NRDC: variants seen among roughly 807,000 people sequenced by gnomAD.
NRDC encodes nardilysin convertase.
Under a neutral mutation model 147.1 loss-of-function variants are expected in NRDC, and 54 were observed. The observed-to-expected ratio is 0.37, with a 90% CI of 0.29 to 0.46. The LOEUF is 0.46. Among genes scored for constraint, NRDC ranks in the 20% least tolerant of loss-of-function variants. NRDC has a pLI of 1.00. For missense variants in NRDC, 1,082 were observed against 1,370.6 expected (o/e 0.79, Z 3.33); for synonymous variants, 440 against 482.1 (o/e 0.91, Z 1.14).
At chr1:51,830,162 A>G (rs1680643316) in intron 4 of NRDC, among the ~76,000 whole-genome samples, 1 of 151,760 alleles carries the variant, frequency 6.6e-6, no homozygotes, top group South Asian at 2.1e-4. Flanking sequence ...ATGGGGTTTC[A>G]CCATATTAGC....
At chr1:51,859,971 C>A in intron 1 of NRDC, 1 of 188,488 alleles carries the variant, frequency 5.3e-6, no homozygotes, top group East Asian at 1.6e-4. Flanking sequence ...CACTGCTTCC[C>A]TCAGCCATAA....
chr1:51,866,215 T>C (rs769638750), intron 1 of NRDC, among the ~76,000 whole-genome samples: 6 of 152,030 alleles, frequency 3.9e-5, no homozygotes, highest in Non-Finnish European at 7.4e-5. Context: ...GAGTGAGACC[T>C]TATCTTTAAA....
chr1:51,856,487 T>C (rs980131691), intron 1 of NRDC, among the ~76,000 whole-genome samples: 4 of 152,220 alleles, frequency 2.6e-5, no homozygotes, highest in Non-Finnish European at 5.9e-5. Context: ...TGGGTTTGAT[T>C]AATTTGCTGG....
At position 51,814,817 on chromosome 1, in the gene NRDC, C is replaced by A; in HGVS notation, c.1440-4G>T. On this transcript the variant is annotated splice_polypyrimidine_tract_variant and splice_region_variant and intron_variant, in intron 11 of 30. Coordinates refer to ENST00000352171, the MANE Select transcript of NRDC (RefSeq NM_001101662.2). ...AAACAGTGCAAGAGCCCAGCATCTA[C>A]AGGTGGGGAAAAAATTAACCCAATC... 6.4e-7 allele frequency: 1 copy of A among 1,569,610 alleles called. No individual in the cohort carries two copies. Among genetic ancestry groups the A allele is most frequent in the Non-Finnish European group, 8.6e-7 (1 of 1,163,392 alleles).
Position 51,840,511 on chromosome 1 carries a change from G to T in NRDC, c.345C>A (p.Tyr115Ter). 1 of 1,588,812 alleles carries T rather than the reference G, an allele frequency of 6.3e-7. No individual in the cohort carries two copies. The highest frequency in any genetic ancestry group is 1.2e-5 in the South Asian group (1 of 86,838). The change falls in exon 2 of 31, where the codon TAC becomes TAA. Residue 115 changes from tyrosine to a stop codon, truncating the protein, a stop_gained. Transcript: ENST00000352171. LOFTEE classifies it high-confidence loss of function. ...CCTGCAAGCCATTCTGTAATTTGAT[G>T]TATCTGGGGGGAGAAAAAAAAAATC... is the stretch of plus-strand genomic sequence containing the variant. The part of the protein sequence containing the change: ...KSPSDPKQYR[Y>*]IKLQNGLQAL...
At chr1:51,857,747 G>A (rs1258219423) in intron 1 of NRDC, among the ~76,000 whole-genome samples, 1 of 152,192 alleles carries the variant, frequency 6.6e-6, no homozygotes, top group Non-Finnish European at 1.5e-5. Context: ...GGCTGCAGAT[G>A]TCCAGGATCA....
intron 3 of NRDC, among the ~76,000 whole-genome samples, chr1:51,834,683 T>TA (rs879270120): frequency 5.9e-4 from 86 of 144,826 alleles, no homozygotes; most frequent in African/African-American, 1.4e-3. Context: ...ACTTTTATAC[T>TA]AAAAAAAAAA....
intron 2 of NRDC, among the ~76,000 whole-genome samples, chr1:51,839,455 T>C (rs769648937): frequency 2.6e-5 from 4 of 152,130 alleles, no homozygotes; most frequent in Non-Finnish European, 5.9e-5. Flanking sequence ...TTGAATATAT[T>C]ATCAATATTC....
intron 4 of NRDC, among the ~76,000 whole-genome samples, chr1:51,831,452 A>G (rs1216789870): frequency 1.3e-5 from 2 of 152,212 alleles, no homozygotes; most frequent in Non-Finnish European, 2.9e-5. Context: ...CTCTGTAACA[A>G]GAGTAAAGAT....
At chr1:51,789,522 G>C (rs766180197) in intron 30 of NRDC, 46 bp downstream of exon 30, 1 of 1,589,724 alleles carries the variant, frequency 6.3e-7, no homozygotes, top group Admixed American at 1.7e-5. Flanking sequence ...AACTCACTCA[G>C]TAAATGACAA....
At chr1:51,829,808 A>G (rs945250702) in intron 4 of NRDC, among the ~76,000 whole-genome samples, 1 of 151,876 alleles carries the variant, frequency 6.6e-6, no homozygotes, top group Non-Finnish European at 1.5e-5. Context: ...TACTAATTCT[A>G]TCTTCAACTC....
At chr1:51,798,103 G>GC in intron 22 of NRDC, 146 bp downstream of exon 22, 1 of 690,556 alleles carries the variant, frequency 1.4e-6, no homozygotes. Context: ...AAGCTGCCCA[G>GC]CATCAGAGGG....
At chr1:51,861,511 A>C (rs573722428) in intron 1 of NRDC, among the ~76,000 whole-genome samples, 1 of 149,418 alleles carries the variant, frequency 6.7e-6, no homozygotes, top group Non-Finnish European at 1.5e-5. Flanking sequence ...TATTATTATT[A>C]TTTTTTTTTA....
intron 4 of NRDC, among the ~76,000 whole-genome samples, chr1:51,832,308 A>T (rs1034898532): frequency 1.2e-4 from 19 of 152,248 alleles, no homozygotes; most frequent in African/African-American, 4.3e-4. Flanking sequence ...CGGCCCCCCA[A>T]AGTGTTGGGA....
intron 27 of NRDC, 26 bp downstream of exon 27, chr1:51,791,552 A>G (rs373411273): frequency 6.4e-7 from 1 of 1,552,330 alleles, no homozygotes; most frequent in Non-Finnish European, 8.9e-7. Flanking sequence ...AATAGGTTAC[A>G]CTCATCTATT....
intron 23 of NRDC, 30 bp from the exon 24 acceptor site, chr1:51,794,640 G>A (rs1189762800): frequency 6.2e-7 from 1 of 1,610,388 alleles, no homozygotes. Flanking sequence ...GGTCACTGAG[G>A]CACCCAAAAA....
At chr1:51,874,498 A>G (rs896056364) in intron 1 of NRDC, among the ~76,000 whole-genome samples, 1 of 152,096 alleles carries the variant, frequency 6.6e-6, no homozygotes, top group Non-Finnish European at 1.5e-5. Flanking sequence ...AGTCCCAGCT[A>G]CTGGAGAGCC....
Position 51,843,323 on chromosome 1 carries a change from A to C in NRDC, c.342-2809T>G, listed in dbSNP as rs530830841. Among the ~76,000 whole-genome samples, 1,195 of 151,862 alleles carry C rather than the reference A, an allele frequency of 7.9e-3. 15 individuals carry two copies. Among genetic ancestry groups the C allele is most frequent in the African/African-American group, 0.028 (1,143 of 41,388 alleles). On this transcript the variant is annotated intron_variant, in intron 1 of 30. Coordinates refer to ENST00000352171, the MANE Select transcript of NRDC (RefSeq NM_001101662.2). ...AGACAAAAAAGGTTAAAAAAAAAAA[A>C]AAAAAACCCAACCCCTGTTTACCGT...
chr1:51,861,107 G>A (rs1682509937), intron 1 of NRDC, among the ~76,000 whole-genome samples: 2 of 151,682 alleles, frequency 1.3e-5, no homozygotes, highest in African/African-American at 4.8e-5. Context: ...GCATCACCAT[G>A]CCCAGTTAAT....
Sources: allele counts gnomAD v4.1 joint callset (sites outside exome capture counted in the v4.1 genomes callset), GRCh38; gene constraint gnomAD v4.1.1; transcripts MANE v1.5; gene names NCBI Gene and HGNC (gene_info 2026-07-23, HGNC 2026-07-21).